EPHA5: variants seen among roughly 807,000 people sequenced by gnomAD.
EPHA5 encodes the protein EPH receptor A5.
EPHA5 carries 60 observed loss-of-function variants against 105.0 expected under a neutral mutation model. The observed-to-expected ratio is 0.57, with a 90% CI of 0.46 to 0.71. The LOEUF is 0.71. Among genes scored for constraint, EPHA5 ranks in the 30% least tolerant of loss-of-function variants. The pLI is 0.00. For synonymous variants in EPHA5, 513 were observed against 449.1 expected, an observed-to-expected ratio of 1.14 and a Z score of -1.80; for missense variants, 1,218 against 1,274.7, an observed-to-expected ratio of 0.96 and a Z score of 0.68.
At chr4:65,459,984 C>T (rs1727975693) in intron 5 of EPHA5, among the ~76,000 whole-genome samples, 1 of 151,624 alleles carries the variant, frequency 6.6e-6, no homozygotes, top group African/African-American at 2.4e-5. Context: ...GAACCCTATT[C>T]AAACCATATT....
chr4:65,458,392 C>T (rs1230016554), intron 5 of EPHA5, among the ~76,000 whole-genome samples: 1 of 152,122 alleles, frequency 6.6e-6, no homozygotes, highest in African/African-American at 2.4e-5. Context: ...TTTTATGCAT[C>T]TTTGACAATG....
chr4:65,372,983 A>G (rs6551916), intron 8 of EPHA5, among the ~76,000 whole-genome samples: 1,754 of 152,000 alleles, frequency 0.012, 35 homozygotes, highest in African/African-American at 0.04. Flanking sequence ...TCTCTGTTGA[A>G]TTCAATTGTA....
At chr4:65,395,883 C>A (rs1721177645) in intron 8 of EPHA5, among the ~76,000 whole-genome samples, 1 of 152,204 alleles carries the variant, frequency 6.6e-6, no homozygotes, top group Admixed American at 6.5e-5. Flanking sequence ...GGAATGACCA[C>A]TGCAAAGGCA....
chr4:65,596,196 C>A (rs1262723887), intron 3 of EPHA5, among the ~76,000 whole-genome samples: 1 of 152,096 alleles, frequency 6.6e-6, no homozygotes, highest in Non-Finnish European at 1.5e-5. Flanking sequence ...GTGTTAGCGG[C>A]ATGTGTGTTC....
At chr4:65,462,675 C>T (rs1400818828) in intron 5 of EPHA5, among the ~76,000 whole-genome samples, 3 of 152,072 alleles carry the variant, frequency 2.0e-5, no homozygotes, top group South Asian at 2.1e-4. Flanking sequence ...GTGGTGGTCT[C>T]AACGTTCCAA....
chr4:65,367,636 T>C (rs533738583), intron 8 of EPHA5, among the ~76,000 whole-genome samples: 2 of 152,234 alleles, frequency 1.3e-5, no homozygotes, highest in East Asian at 1.9e-4. Flanking sequence ...CAGATTTCAC[T>C]GAGGAGCCTG....
At position 65,462,040 on chromosome 4, in the gene EPHA5, G is replaced by A. The variant is rs141488670; in HGVS notation, c.1402+28337C>T. Among the ~76,000 whole-genome samples, 914 of 152,152 alleles carry A rather than the reference G, an allele frequency of 6.0e-3. 7 individuals carry two copies. The highest frequency in any genetic ancestry group is 0.021 in the African/African-American group (881 of 41,536). The stretch of plus-strand genomic sequence containing the variant: ...AAAGAGATAGTAGACAGATTGATAG[G>A]CAGATAGATAGAATAGAATATTAAT... On this transcript the variant is annotated intron_variant, in intron 5 of 16. Transcript: ENST00000613740.
chr4:65,331,518 C>T, intron 16 of EPHA5: 1 of 1,053,810 alleles, frequency 9.5e-7, no homozygotes, highest in Non-Finnish European at 1.1e-6. Context: ...GCCAGGGAAG[C>T]TTTGTTTAAG....
chr4:65,522,473 C>A (rs137926119), intron 3 of EPHA5, among the ~76,000 whole-genome samples: 5 of 151,872 alleles, frequency 3.3e-5, no homozygotes, highest in South Asian at 4.1e-4. Context: ...CTTCTTCAAA[C>A]CTAGTCGGCC....
rs1056327058 is a variant in EPHA5 at position 65,351,606 on chromosome 4, G to C, written c.2236-8C>G. 3 of 1,612,582 alleles carry C rather than the reference G, an allele frequency of 1.9e-6. No individual in the cohort carries two copies. The highest frequency in any genetic ancestry group is 2.7e-5 in the African/African-American group (2 of 74,974). Reference sequence around the variant, plus strand: ...GAACTGCCCATCGTTTTTCTGTAAAGACAATGTAGAAATATTAGTCTAGCA... The same window carrying C: ...GAACTGCCCATCGTTTTTCTGTAAACACAATGTAGAAATATTAGTCTAGCA... On this transcript the variant is annotated splice_region_variant and splice_polypyrimidine_tract_variant and intron_variant, in intron 12 of 16. Coordinates refer to ENST00000613740, the MANE Select transcript of EPHA5 (RefSeq NM_001281766.3).
chr4:65,493,668 T>C (rs963394406), intron 4 of EPHA5, among the ~76,000 whole-genome samples: 2 of 152,046 alleles, frequency 1.3e-5, no homozygotes, highest in African/African-American at 4.8e-5. Flanking sequence ...GTATTAGAAA[T>C]TCACACACCT....
intron 3 of EPHA5, among the ~76,000 whole-genome samples, chr4:65,508,437 A>G (rs1320234520): frequency 6.6e-6 from 1 of 152,086 alleles, no homozygotes; most frequent in African/African-American, 2.4e-5. Context: ...GATAGAAGTA[A>G]TGTTTTCAGT....
chr4:65,549,772 TAG>T (rs1348996427), intron 3 of EPHA5, among the ~76,000 whole-genome samples: 2 of 152,200 alleles, frequency 1.3e-5, no homozygotes, highest in East Asian at 3.9e-4. Flanking sequence ...CATCTTCACA[TAG>T]AAAAATTTCT....
chr4:65,633,476 T>G (rs1746833079), intron 2 of EPHA5, among the ~76,000 whole-genome samples: 2 of 151,856 alleles, frequency 1.3e-5, no homozygotes, highest in South Asian at 4.2e-4. Flanking sequence ...TTTTCATTAA[T>G]AAATGGGAAG....
intron 3 of EPHA5, among the ~76,000 whole-genome samples, chr4:65,523,486 G>A (rs1307780711): frequency 6.6e-6 from 1 of 152,016 alleles, no homozygotes; most frequent in African/African-American, 2.4e-5. Flanking sequence ...AAAATATCCA[G>A]TTAGCTGGTA....
At chr4:65,457,823 A>G (rs941350454) in intron 5 of EPHA5, among the ~76,000 whole-genome samples, 7 of 152,218 alleles carry the variant, frequency 4.6e-5, no homozygotes, top group Middle Eastern at 3.4e-3. Flanking sequence ...AATATAACAT[A>G]TAAATGTATG....
At chr4:65,373,770 C>T (rs945660042) in intron 8 of EPHA5, among the ~76,000 whole-genome samples, 1 of 151,806 alleles carries the variant, frequency 6.6e-6, no homozygotes, top group Non-Finnish European at 1.5e-5. Flanking sequence ...AAGAATTTAA[C>T]ATCTCTATTT....
chr4:65,424,043 T>C (rs1335399317), intron 5 of EPHA5, among the ~76,000 whole-genome samples: 1 of 152,046 alleles, frequency 6.6e-6, no homozygotes, highest in East Asian at 1.9e-4. Context: ...CTTACTTATC[T>C]GTAACCTCCC....
chr4:65,331,778 GA>G, intron 16 of EPHA5, 194 bp downstream of exon 16: 1 of 1,244,572 alleles, frequency 8.0e-7, no homozygotes, highest in Non-Finnish European at 1.0e-6. Context: ...TTGAAGCAAA[GA>G]AGCAAAGATA....
Sources: allele counts gnomAD v4.1 joint callset (sites outside exome capture counted in the v4.1 genomes callset), GRCh38; gene constraint gnomAD v4.1.1; transcripts MANE v1.5; gene names NCBI Gene and HGNC (gene_info 2026-07-23, HGNC 2026-07-21).